MAF: variants seen among roughly 807,000 people sequenced by gnomAD.
The protein encoded by MAF is transcription factor Maf.
A neutral mutation model predicts 22.0 loss-of-function variants in MAF; 10 were observed. The observed-to-expected ratio is 0.45, with a 90% CI of 0.28 to 0.77. MAF has a LOEUF of 0.77. Among genes scored for constraint, MAF ranks in the 30% least tolerant of loss-of-function variants. The pLI, the probability that MAF is intolerant of heterozygous loss-of-function variation, is 0.12. For synonymous variants in MAF, 337 were observed against 255.8 expected (o/e 1.32, Z -3.03); for missense variants, 544 against 548.4 (o/e 0.99, Z 0.08).
At chr16:79,425,458 G>C in the MAF span, among the ~76,000 whole-genome samples, 1 of 152,204 alleles carries the variant, frequency 6.6e-6, no homozygotes, top group African/African-American at 2.4e-5. Flanking sequence ...TCAGTGTTCA[G>C]GGCAGGAGGT....
chr16:79,290,198 G>A, the MAF span, among the ~76,000 whole-genome samples: 1 of 152,128 alleles, frequency 6.6e-6, no homozygotes. Flanking sequence ...CCCCATGGGA[G>A]GGAAGCTACT....
chr16:79,571,314 G>T, the MAF span, among the ~76,000 whole-genome samples: 1 of 151,948 alleles, frequency 6.6e-6, no homozygotes, highest in East Asian at 1.9e-4. Flanking sequence ...TTTACATAGT[G>T]ATCCCAGATA....
At chr16:79,403,119 C>A in the MAF span, among the ~76,000 whole-genome samples, 3 of 152,216 alleles carry the variant, frequency 2.0e-5, no homozygotes, top group Non-Finnish European at 2.9e-5. Context: ...ATGGGAATAA[C>A]TGCAGTAAAT....
chr16:79,391,872 AAGGAGG>A, the MAF span, among the ~76,000 whole-genome samples: 25 of 136,986 alleles, frequency 1.8e-4, no homozygotes, highest in South Asian at 9.6e-4. Context: ...GGAGGAGGAG[AAGGAGG>A]AGGAGGAGGA....
the MAF span, among the ~76,000 whole-genome samples, chr16:79,288,473 G>A: frequency 6.6e-6 from 1 of 152,124 alleles, no homozygotes; most frequent in Non-Finnish European, 1.5e-5. Flanking sequence ...CAGCCCTTGG[G>A]AGTCATCACA....
chr16:79,333,522 G>A, the MAF span, among the ~76,000 whole-genome samples: 110 of 152,258 alleles, frequency 7.2e-4, no homozygotes, highest in East Asian at 4.6e-3. Flanking sequence ...GACCCCAGGA[G>A]GCATTTATGT....
At chr16:79,267,949 C>A in the MAF span, among the ~76,000 whole-genome samples, 8 of 152,132 alleles carry the variant, frequency 5.3e-5, no homozygotes, top group African/African-American at 1.9e-4. Context: ...CGGGGGCACG[C>A]CTTTCCCCTG....
At chr16:79,545,614 C>G in the MAF span, among the ~76,000 whole-genome samples, 2 of 152,072 alleles carry the variant, frequency 1.3e-5, no homozygotes, top group Non-Finnish European at 1.5e-5. Flanking sequence ...CCCCACCCCC[C>G]CACAGAGGCA....
chr16:79,500,324 A>T, the MAF span, among the ~76,000 whole-genome samples: 2 of 152,150 alleles, frequency 1.3e-5, no homozygotes, highest in Non-Finnish European at 2.9e-5. Flanking sequence ...TCTTCATGGG[A>T]TGGTGTTATG....
At chr16:79,367,753 G>A in the MAF span, among the ~76,000 whole-genome samples, 1 of 152,156 alleles carries the variant, frequency 6.6e-6, no homozygotes, top group East Asian at 1.9e-4. Context: ...ATGCCTAGTG[G>A]CTACCATCTT....
At chr16:79,227,266 G>A in the MAF span, among the ~76,000 whole-genome samples, 1 of 152,008 alleles carries the variant, frequency 6.6e-6, no homozygotes, top group African/African-American at 2.4e-5. Context: ...TAGGGGGATC[G>A]CCTGGGCCTG....
At chr16:79,549,632 C>T in the MAF span, among the ~76,000 whole-genome samples, 2 of 152,210 alleles carry the variant, frequency 1.3e-5, no homozygotes, top group African/African-American at 2.4e-5. Flanking sequence ...CGGATAGACA[C>T]TCACTTGAAA....
the MAF span, among the ~76,000 whole-genome samples, chr16:79,568,391 G>T: frequency 6.6e-6 from 1 of 152,154 alleles, no homozygotes; most frequent in Non-Finnish European, 1.5e-5. Flanking sequence ...TGTTCTATCT[G>T]GAAAATGGGA....
chr16:79,502,002 T>C, the MAF span, among the ~76,000 whole-genome samples: 3 of 152,320 alleles, frequency 2.0e-5, no homozygotes, highest in Admixed American at 2.0e-4. Context: ...CTTATTTCTT[T>C]CAACCATTTA....
At chr16:79,228,528 C>T in the MAF span, among the ~76,000 whole-genome samples, 1 of 152,044 alleles carries the variant, frequency 6.6e-6, no homozygotes, top group Non-Finnish European at 1.5e-5. Flanking sequence ...ATTTCTGTGG[C>T]TGTGAGTCTT....
chr16:79,233,751 T>C, the MAF span, among the ~76,000 whole-genome samples: 1 of 152,014 alleles, frequency 6.6e-6, no homozygotes, highest in Non-Finnish European at 1.5e-5. Flanking sequence ...CCCAGTATTT[T>C]GGGAGGCCGA....
Position 79,600,548 on chromosome 16 carries a change from T to C in MAF, c.-646A>G, listed in dbSNP as rs550154668. ...CTCTGTGCAAAGTGCAAGGCAGAGG[T>C]GCAGCCCGACTGGAGGAGAGGGAGG... is the stretch of plus-strand genomic sequence containing the variant. On this transcript the variant is annotated 5_prime_UTR_variant, in exon 1 of 2. Transcript: ENST00000326043. The C allele has an allele frequency of 8.8e-5, 17 of 194,206 alleles. No homozygotes were observed. Among genetic ancestry groups the C allele is most frequent in the Middle Eastern group, 2.1e-3 (1 of 480 alleles). 12.0% of individuals were successfully genotyped at this position (194,206 alleles called of 1,614,324 possible).
chr16:79,288,783 A>G, the MAF span, among the ~76,000 whole-genome samples: 1 of 152,046 alleles, frequency 6.6e-6, no homozygotes, highest in East Asian at 1.9e-4. Context: ...AGGCTGGAGT[A>G]TAGTGGTGCC....
the MAF span, among the ~76,000 whole-genome samples, chr16:79,283,992 GC>G: frequency 3.6e-5 from 1 of 27,766 alleles, no homozygotes; most frequent in African/African-American, 1.2e-4. Context: ...AAAAGACAAA[GC>G]CCCATAGTAG....
Sources: allele counts gnomAD v4.1 joint callset (sites outside exome capture counted in the v4.1 genomes callset), GRCh38; gene constraint gnomAD v4.1.1; transcripts MANE v1.5; gene names NCBI Gene and HGNC (gene_info 2026-07-23, HGNC 2026-07-21).